MZT2B: variants seen among roughly 807,000 people sequenced by gnomAD.
MZT2B encodes mitotic spindle organizing protein 2B, also known as mitotic-spindle organizing protein 2B.
MZT2B carries 11 observed loss-of-function variants against 12.1 expected under a neutral mutation model. That is an observed-to-expected ratio of 0.91 (90% CI 0.57 to 1.50). The LOEUF is 1.50. MZT2B is among the 40% of genes most tolerant of loss of function. The probability of loss-of-function intolerance (pLI) is 0.00; values close to 1 mark genes in which losing one functional copy is unlikely to be tolerated. For synonymous variants in MZT2B, 85 were observed against 109.5 expected (o/e 0.78, Z 1.40); for missense variants, 209 against 227.7 (o/e 0.92, Z 0.53).
chr2:130,194,059 C>T (rs150508021), downstream of MZT2B: 255 of 1,614,114 alleles, frequency 1.6e-4, 2 homozygotes, highest in South Asian at 2.0e-3. Flanking sequence ...TGCGGGGGTA[C>T]GGCACGAGGT....
intron 2 of MZT2B, chr2:130,184,310 A>G: frequency 1.0e-6 from 1 of 985,406 alleles, no homozygotes; most frequent in Non-Finnish European, 1.2e-6. Context: ...GGCGTGACAA[A>G]CACCTCGGCC....
chr2:130,194,043 A>C (rs758232054), downstream of MZT2B: 10 of 1,614,162 alleles, frequency 6.2e-6, no homozygotes, highest in East Asian at 4.5e-5. Flanking sequence ...GCCAGGGGGA[A>C]GTGGATGCGG....
chr2:130,193,564 G>A (rs1173325312), downstream of MZT2B, among the ~76,000 whole-genome samples: 3 of 143,560 alleles, frequency 2.1e-5, no homozygotes, highest in Non-Finnish European at 3.0e-5. Flanking sequence ...AGCTGAGATC[G>A]CACCACTGCA....
chr2:130,188,438 A>G (rs1321197124), intron 2 of MZT2B, among the ~76,000 whole-genome samples: 1 of 152,222 alleles, frequency 6.6e-6, no homozygotes, highest in Non-Finnish European at 1.5e-5. Context: ...AGTGGGGACT[A>G]GAATTATGGC....
the MZT2B span, among the ~76,000 whole-genome samples, chr2:130,196,534 T>C: frequency 1.3e-5 from 2 of 152,216 alleles, no homozygotes; most frequent in African/African-American, 2.4e-5. Context: ...TTTATCGCTG[T>C]GAAAACTAAT....
At chr2:130,196,243 G>T in the MZT2B span, 2 of 1,613,958 alleles carry the variant, frequency 1.2e-6, no homozygotes, top group African/African-American at 2.7e-5. Flanking sequence ...AGTCGTCCCC[G>T]CCACCAATGG....
the MZT2B span, chr2:130,198,465 A>T: frequency 1.6e-6 from 2 of 1,266,344 alleles, 1 homozygote; most frequent in East Asian, 5.9e-5. Flanking sequence ...GCCGCACAGG[A>T]TTGGCCTGCC....
At chr2:130,190,740 C>CGTTTTTT (rs1558781071), downstream of MZT2B, 57 of 1,279,706 alleles carry the variant, frequency 4.5e-5, 2 homozygotes, top group Admixed American at 4.3e-5. Flanking sequence ...TGTTGTCTAC[C>CGTTTTTT]GTTTTTTTTT....
chr2:130,183,701 C>A (rs1323160096), intron 2 of MZT2B: 5 of 1,549,986 alleles, frequency 3.2e-6, no homozygotes, highest in Non-Finnish European at 3.5e-6. Flanking sequence ...CACCCGCTGA[C>A]CCAAGAGGGC....
At chr2:130,195,555 A>G (rs996429754), downstream of MZT2B, among the ~76,000 whole-genome samples, 4 of 152,188 alleles carry the variant, frequency 2.6e-5, no homozygotes, top group Non-Finnish European at 2.9e-5. Flanking sequence ...CTGTAAGTTA[A>G]AAACTCTTAC....
upstream of MZT2B, chr2:130,181,863 T>TGCCC: frequency 3.5e-6 from 5 of 1,438,446 alleles, no homozygotes; most frequent in Non-Finnish European, 4.7e-6. Flanking sequence ...GCCCCCCCCT[T>TGCCC]CCCCCCGCCC....
intron 2 of MZT2B, chr2:130,183,037 C>T (rs185270327): frequency 1.2e-5 from 7 of 594,626 alleles, no homozygotes; most frequent in Admixed American, 3.3e-5. Context: ...CTCCCCTCCA[C>T]CTCTTCACTC....
chr2:130,200,594 A>C, the MZT2B span, among the ~76,000 whole-genome samples: 1 of 152,188 alleles, frequency 6.6e-6, no homozygotes, highest in Non-Finnish European at 1.5e-5. Flanking sequence ...CACACCTCAC[A>C]TAACTCAAAG....
downstream of MZT2B, among the ~76,000 whole-genome samples, chr2:130,191,241 T>C (rs1440574294): frequency 4.6e-5 from 7 of 152,202 alleles, no homozygotes; most frequent in Admixed American, 2.6e-4. Context: ...TGGCTGTGTG[T>C]GCGCACAGAG....
chr2:130,189,968 A>G (rs1220819445), intron 2 of MZT2B, among the ~76,000 whole-genome samples: 1 of 152,144 alleles, frequency 6.6e-6, no homozygotes, highest in Non-Finnish European at 1.5e-5. Flanking sequence ...CCAAAATCAA[A>G]ATCAGAAACC....
At chr2:130,191,344 G>A (rs181569170), downstream of MZT2B, among the ~76,000 whole-genome samples, 69 of 151,360 alleles carry the variant, frequency 4.6e-4, no homozygotes, top group African/African-American at 1.6e-3. Context: ...TGTGGAACTC[G>A]GTTAATATTC....
At chr2:130,203,814 G>C in the MZT2B span, among the ~76,000 whole-genome samples, 97 of 152,110 alleles carry the variant, frequency 6.4e-4, no homozygotes, top group Non-Finnish European at 5.3e-4. Flanking sequence ...TAAGTAACTA[G>C]ATTGAGTGCC....
chr2:130,184,316 C>T (rs1296951460), intron 2 of MZT2B: 23 of 985,332 alleles, frequency 2.3e-5, no homozygotes, highest in Admixed American at 6.1e-5. Flanking sequence ...ACAAACACCT[C>T]GGCCTCTTAG....
At chr2:130,196,495 A>G in the MZT2B span, 1 of 1,361,650 alleles carries the variant, frequency 7.3e-7, no homozygotes, top group Admixed American at 2.6e-5. Context: ...CACAATCGAT[A>G]TTTCCTAGGA....
Sources: gnomAD v4.1 joint callset for allele counts (sites outside exome capture counted in the v4.1 genomes callset) on GRCh38, gnomAD v4.1.1 for gene constraint, MANE v1.5 for transcripts, NCBI Gene and HGNC (gene_info 2026-07-23, HGNC 2026-07-21) for gene names.